The following MSRA variants were observed in gnomAD, a reference collection of about 807,000 sequenced individuals.
MSRA encodes methionine sulfoxide reductase A, also known as mitochondrial peptide methionine sulfoxide reductase.
In MSRA, 54 loss-of-function variants were observed where a neutral mutation model predicts 31.3. The ratio of observed to expected loss-of-function variants is 1.73; its 90% confidence interval spans 1.39 to 2.17. The LOEUF (loss-of-function observed/expected upper bound fraction) is 2.17. MSRA is among the 30% of genes most tolerant of loss of function. The probability of loss-of-function intolerance (pLI) is 0.00; values close to 1 mark genes in which losing one functional copy is unlikely to be tolerated. For synonymous variants in MSRA, 169 were observed against 116.5 expected (o/e 1.45, Z -2.90); for missense variants, 507 against 300.9 (o/e 1.69, Z -5.07).
intron 1 of MSRA, among the ~76,000 whole-genome samples, chr8:10,165,970 A>C (rs1805087555): frequency 6.6e-6 from 1 of 152,186 alleles, no homozygotes; most frequent in South Asian, 2.1e-4. Context: ...CTGGGATTTG[A>C]ACTTGGCAGT....
rs1170264568 is a variant in MSRA at position 10,335,250 on chromosome 8, GTTTTTT to G, written c.543+15279_543+15284del. Among the ~76,000 whole-genome samples the G allele has an allele frequency of 3.9e-4, 31 of 79,880 alleles. 1 individual carries two copies. In the East Asian group the frequency reaches 8.3e-3, roughly 21 times the overall value. 52.4% of individuals were successfully genotyped at this position (79,880 alleles called of 152,430 possible). A position where few individuals can be genotyped will look rare whatever the true frequency, so the allele number is the denominator to read the frequency against. On this transcript the variant is annotated intron_variant, in intron 5 of 5. Coordinates refer to ENST00000317173, the MANE Select transcript of MSRA (RefSeq NM_012331.5). ...TTCACCCTTAACACCTCCCAGCTCT[GTTTTTT>G]TTTTTTTTTTTTTTTTTGTAGTGTT...
At chr8:10,191,046 C>T (rs1386792734) in intron 1 of MSRA, among the ~76,000 whole-genome samples, 4 of 152,138 alleles carry the variant, frequency 2.6e-5, no homozygotes, top group East Asian at 1.9e-4. Flanking sequence ...ATAAGCATAG[C>T]GTCCCATTCT....
intron 3 of MSRA, among the ~76,000 whole-genome samples, chr8:10,255,739 C>G (rs1798142123): frequency 6.6e-6 from 1 of 151,254 alleles, no homozygotes; most frequent in South Asian, 2.1e-4. Flanking sequence ...ATGGTGAAAT[C>G]ACATACTGGG....
intron 3 of MSRA, among the ~76,000 whole-genome samples, chr8:10,292,622 A>G (rs1042030296): frequency 1.3e-5 from 2 of 152,214 alleles, no homozygotes; most frequent in Non-Finnish European, 2.9e-5. Context: ...TCAGTCCCAC[A>G]GAATCGCAGT....
At chr8:10,196,165 A>G (rs971802463) in intron 1 of MSRA, among the ~76,000 whole-genome samples, 5 of 152,358 alleles carry the variant, frequency 3.3e-5, no homozygotes, top group South Asian at 4.1e-4. Context: ...ACAGTGTGGT[A>G]CATGCTTAAG....
chr8:10,413,662 A>T (rs1469725356), intron 5 of MSRA, among the ~76,000 whole-genome samples: 1 of 828 alleles, frequency 1.2e-3, no homozygotes, highest in Non-Finnish European at 3.6e-3. Context: ...GAGAGATATT[A>T]AAAAAAAAAA....
chr8:10,218,894 T>G lies in MSRA; in HGVS notation c.211+10993T>G, dbSNP rs114121548. Among the ~76,000 whole-genome samples the G allele has an allele frequency of 8.5e-3, 1,296 of 152,286 alleles. 18 individuals are homozygous for G. Among genetic ancestry groups the G allele is most frequent in the African/African-American group, 0.03 (1,248 of 41,552 alleles). On this transcript the variant is annotated intron_variant, in intron 2 of 5. Coordinates refer to ENST00000317173, the MANE Select transcript of MSRA (RefSeq NM_012331.5). ...TACAGATTGCTGCAACAGATTTGAG[T>G]AAAGCAAGAAGCAGGCACACTGTCA...
chr8:10,237,828 C>T (rs888029384), intron 2 of MSRA, among the ~76,000 whole-genome samples: 3 of 152,204 alleles, frequency 2.0e-5, no homozygotes, highest in Non-Finnish European at 2.9e-5. Flanking sequence ...CCATGACTTC[C>T]TCCACCACCA....
chr8:10,116,799 C>G (rs1057074918), intron 1 of MSRA, among the ~76,000 whole-genome samples: 1 of 152,102 alleles, frequency 6.6e-6, no homozygotes, highest in Non-Finnish European at 1.5e-5. Context: ...GAAGCCCCGT[C>G]TCTACTAAAA....
At chr8:10,118,663 AC>A (rs1800870013) in intron 1 of MSRA, among the ~76,000 whole-genome samples, 1 of 151,936 alleles carries the variant, frequency 6.6e-6, no homozygotes, top group Non-Finnish European at 1.5e-5. Context: ...TGTGCTCCTT[AC>A]CGCTGCCCCT....
At position 10,199,453 on chromosome 8, in the gene MSRA, G is replaced by A. The variant is rs376615006; in HGVS notation, c.143-8380G>A. Among the ~76,000 whole-genome samples, 3 of 152,258 alleles carry A rather than the reference G, an allele frequency of 2.0e-5. No individual in the cohort carries two copies. The East Asian group carries it at 5.8e-4, about 29-fold the overall frequency. Reference sequence around the variant, plus strand: ...TCCTGCCTCAGCCTCCTGAGTAGCTGGGACTACAAATGCGCGCCACCGTGC... The same window carrying A: ...TCCTGCCTCAGCCTCCTGAGTAGCTAGGACTACAAATGCGCGCCACCGTGC... On this transcript the variant is annotated intron_variant, in intron 1 of 5. Coordinates refer to ENST00000317173, the MANE Select transcript of MSRA (RefSeq NM_012331.5).
intron 5 of MSRA, among the ~76,000 whole-genome samples, chr8:10,386,137 A>G (rs979256311): frequency 5.3e-5 from 8 of 152,150 alleles, no homozygotes; most frequent in Admixed American, 2.6e-4. Context: ...TGAATTATGA[A>G]CAAATATATT....
intron 1 of MSRA, among the ~76,000 whole-genome samples, chr8:10,128,902 A>G (rs1433793044): frequency 6.6e-6 from 1 of 152,202 alleles, no homozygotes; most frequent in Non-Finnish European, 1.5e-5. Context: ...TTTTTCCAGG[A>G]GAGGAGTTTA....
At chr8:10,223,320 C>T (rs987165874) in intron 2 of MSRA, among the ~76,000 whole-genome samples, 1 of 152,162 alleles carries the variant, frequency 6.6e-6, no homozygotes, top group Non-Finnish European at 1.5e-5. Context: ...GATTGTACTT[C>T]TGGTATACTT....
chr8:10,091,281 CA>C (rs1256618974), intron 1 of MSRA, among the ~76,000 whole-genome samples: 1 of 152,102 alleles, frequency 6.6e-6, no homozygotes, highest in East Asian at 1.9e-4. Context: ...TAAAAAGTGA[CA>C]AAAATTGTAT....
chr8:10,242,534 A>G (rs1457360113), intron 2 of MSRA, among the ~76,000 whole-genome samples: 1 of 152,178 alleles, frequency 6.6e-6, no homozygotes, highest in Non-Finnish European at 1.5e-5. Context: ...ATAACAGTGC[A>G]TTGAAATATA....
chr8:10,301,377 C>G (rs1371239221), intron 3 of MSRA, among the ~76,000 whole-genome samples, 157 bp from the exon 4 acceptor site: 2 of 152,112 alleles, frequency 1.3e-5, no homozygotes, highest in Non-Finnish European at 2.9e-5. Flanking sequence ...GTAACAGAGC[C>G]TTGAGAGAGA....
Position 10,286,889 on chromosome 8 carries a change from G to A in MSRA, c.332-14645G>A, listed in dbSNP as rs539364370. 6.6e-5 allele frequency among the ~76,000 whole-genome samples: 10 copies of A among 152,358 alleles called. 1 individual carries two copies. The highest frequency in any genetic ancestry group is 3.9e-4 in the East Asian group (2 of 5,188). On this transcript the variant is annotated intron_variant, in intron 3 of 5. Transcript: ENST00000317173. Reference sequence around the variant, plus strand: ...TGTACGCACATGTGTGTGCACACACGTGTATAATGTAATCTTTATAGCGTA... The same window carrying A: ...TGTACGCACATGTGTGTGCACACACATGTATAATGTAATCTTTATAGCGTA...
chr8:10,333,889 C>G lies in MSRA; in HGVS notation c.543+13900C>G, dbSNP rs964670892. 2.6e-5 allele frequency among the ~76,000 whole-genome samples: 4 copies of G among 152,184 alleles called. No homozygotes were observed. In the East Asian group the frequency reaches 5.8e-4, roughly 22 times the overall value. On this transcript the variant is annotated intron_variant, in intron 5 of 5. Coordinates refer to ENST00000317173, the MANE Select transcript of MSRA (RefSeq NM_012331.5). ...ATGAGCACTTCACACAAGGCAGGCACTCTGTGAATGTCAGGTGAATTAAAC... is the reference window on the plus strand; with the variant it reads ...ATGAGCACTTCACACAAGGCAGGCAGTCTGTGAATGTCAGGTGAATTAAAC...
Sources: allele counts gnomAD v4.1 joint callset (sites outside exome capture counted in the v4.1 genomes callset), GRCh38; gene constraint gnomAD v4.1.1; transcripts MANE v1.5; gene names NCBI Gene and HGNC (gene_info 2026-07-23, HGNC 2026-07-21).